The following ARHGAP32 variants were observed in gnomAD, a reference collection of about 807,000 sequenced individuals.
ARHGAP32 encodes rho GTPase-activating protein 32.
Under a neutral mutation model 186.5 loss-of-function variants are expected in ARHGAP32, and 51 were observed. The observed-to-expected ratio is 0.27, with a 90% confidence interval of 0.22 to 0.35. The LOEUF (loss-of-function observed/expected upper bound fraction) is 0.35. ARHGAP32 is among the 10% of genes least tolerant of loss of function. The pLI, the probability that ARHGAP32 is intolerant of heterozygous loss-of-function variation, is 1.00. For missense variants in ARHGAP32, 2,186 were observed against 2,623.5 expected, an observed-to-expected ratio of 0.83 and a Z score of 3.64; for synonymous variants, 950 against 964.3, an observed-to-expected ratio of 0.99 and a Z score of 0.27.
chr11:129,204,373 G>A (rs1944491473), intron 1 of ARHGAP32, among the ~76,000 whole-genome samples: 1 of 152,108 alleles, frequency 6.6e-6, no homozygotes, highest in East Asian at 1.9e-4. Flanking sequence ...AGTCTGGGGA[G>A]AGGTCAGGAA....
At chr11:129,100,053 C>T (rs540318418) in intron 5 of ARHGAP32, among the ~76,000 whole-genome samples, 53 of 152,300 alleles carry the variant, frequency 3.5e-4, no homozygotes, top group African/African-American at 1.3e-3. Flanking sequence ...GCAGAGACCC[C>T]CCTTTGACCA....
chr11:129,037,734 A>G (rs1939411121), intron 11 of ARHGAP32, among the ~76,000 whole-genome samples: 1 of 151,926 alleles, frequency 6.6e-6, no homozygotes, highest in Admixed American at 6.6e-5. Flanking sequence ...AAAAAGTAGG[A>G]TGACTTACAC....
intron 5 of ARHGAP32, among the ~76,000 whole-genome samples, chr11:129,100,791 C>T (rs571867128): frequency 1.3e-5 from 2 of 152,284 alleles, no homozygotes; most frequent in African/African-American, 4.8e-5. Flanking sequence ...CAAGCCAACA[C>T]CACCTCCAGC....
intron 1 of ARHGAP32, among the ~76,000 whole-genome samples, chr11:129,250,533 G>T (rs985993072): frequency 2.0e-5 from 3 of 152,080 alleles, no homozygotes; most frequent in African/African-American, 7.2e-5. Flanking sequence ...TGAATTTGTG[G>T]GAAATTTTTA....
At chr11:129,198,559 T>C (rs1944421029) in intron 1 of ARHGAP32, among the ~76,000 whole-genome samples, 1 of 152,216 alleles carries the variant, frequency 6.6e-6, no homozygotes, top group African/African-American at 2.4e-5. Flanking sequence ...TTGGCTCTTA[T>C]TCTCTCTTTG....
At chr11:129,093,382 T>C (rs1325820240) in intron 6 of ARHGAP32, among the ~76,000 whole-genome samples, 2 of 152,120 alleles carry the variant, frequency 1.3e-5, no homozygotes, top group Non-Finnish European at 2.9e-5. Context: ...GACATGCAAG[T>C]TGCAATGCTC....
intron 10 of ARHGAP32, among the ~76,000 whole-genome samples, chr11:129,056,738 T>A (rs1940267180): frequency 6.6e-6 from 1 of 152,026 alleles, no homozygotes; most frequent in Admixed American, 6.5e-5. Context: ...CATGAACACA[T>A]CGAGCTGAGC....
At chr11:129,178,141 A>G (rs1943961835) in intron 1 of ARHGAP32, among the ~76,000 whole-genome samples, 2 of 151,882 alleles carry the variant, frequency 1.3e-5, no homozygotes, top group South Asian at 4.2e-4. Context: ...ATTCTTATAC[A>G]CCAACAACAG....
chr11:128,978,888 C>G lies in ARHGAP32; in HGVS notation c.2004G>C (p.Lys668Asn). 6.2e-7 allele frequency: 1 copy of G among 1,607,894 alleles called. No individual in the cohort carries two copies. Among genetic ancestry groups the G allele is most frequent in the Non-Finnish European group, 8.5e-7 (1 of 1,178,052 alleles). ...AGGAACGCCAGCTACCCACAGGAGA[C>G]TTTTTCATCTTATTTTGAGGCCTCT... ...ERKRPQNKMK[K>N]SPVGSWRSFF... The change falls in exon 19 of 23, where the codon AAG becomes AAC. Residue 668 changes from lysine (K) to asparagine (N), a missense_variant. Lys to Asn is a moderately conservative substitution (Grantham distance 94, BLOSUM62 0). Coordinates refer to ENST00000682385, the MANE Select transcript of ARHGAP32 (RefSeq NM_001378024.1).
At chr11:128,996,220 TTTTG>T (rs1297812767) in intron 12 of ARHGAP32, among the ~76,000 whole-genome samples, 2 of 152,380 alleles carry the variant, frequency 1.3e-5, no homozygotes, top group South Asian at 4.1e-4. Context: ...TTTTTCTGTA[TTTTG>T]TTTATTATTT....
upstream of ARHGAP32, among the ~76,000 whole-genome samples, chr11:129,279,550 G>A (rs1167651222): frequency 6.9e-6 from 1 of 144,198 alleles, no homozygotes; most frequent in Non-Finnish European, 1.5e-5. Flanking sequence ...GCGTGCCCCC[G>A]CCGGAGCCCG....
intron 11 of ARHGAP32, among the ~76,000 whole-genome samples, chr11:129,011,619 A>AT (rs1332674324): frequency 6.6e-6 from 1 of 152,208 alleles, no homozygotes; most frequent in Non-Finnish European, 1.5e-5. Context: ...CAAATAAACA[A>AT]TTTTAAACAT....
rs149569575 is a variant in ARHGAP32, at chr11:129,027,459, C to T, written c.1045+13469G>A. 6.2e-3 allele frequency among the ~76,000 whole-genome samples: 951 copies of T among 152,294 alleles called. 14 individuals carry two copies. The highest frequency in any genetic ancestry group is 0.022 in the African/African-American group (921 of 41,554). On this transcript the variant is annotated intron_variant, in intron 11 of 22. Transcript: ENST00000682385. ...CCAGAGAAGATCTGATCCCTCTCCC[C>T]TCTTGACCTCATCTTATGTCTTCAC...
At position 129,096,288 on chromosome 11, in the gene ARHGAP32, C is replaced by T. The variant is rs12791628; in HGVS notation, c.445-2581G>A. Reference sequence around the variant, plus strand: ...TCTAAAATACAGTTCAACAGGCAAACAACACGCAAAAGCACACGAGAAAGA... The same window carrying T: ...TCTAAAATACAGTTCAACAGGCAAATAACACGCAAAAGCACACGAGAAAGA... On this transcript the variant is annotated intron_variant, in intron 5 of 22. Transcript: ENST00000682385. Among the ~76,000 whole-genome samples the T allele has an allele frequency of 2.3e-3, 356 of 152,200 alleles. 1 individual carries two copies. Among genetic ancestry groups the T allele is most frequent in the Admixed American group, 3.6e-3 (55 of 15,298 alleles).
Position 129,047,929 on chromosome 11 carries a change from A to G in ARHGAP32, c.964-6920T>C, listed in dbSNP as rs75800817. On this transcript the variant is annotated intron_variant, in intron 10 of 22. Coordinates refer to ENST00000682385, the MANE Select transcript of ARHGAP32 (RefSeq NM_001378024.1). ...TTTCCAAACAAAGAAGAGAAGAGAC[A>G]AAGAAACAACAGTTGCTACACACCA... Among the ~76,000 whole-genome samples, 342 of 152,344 alleles carry G rather than the reference A, an allele frequency of 2.2e-3. 1 individual carries two copies. Among genetic ancestry groups the G allele is most frequent in the Non-Finnish European group, 3.6e-3 (248 of 68,022 alleles).
chr11:129,100,065 C>G (rs1941849454), intron 5 of ARHGAP32, among the ~76,000 whole-genome samples: 1 of 152,164 alleles, frequency 6.6e-6, no homozygotes, highest in South Asian at 2.1e-4. Flanking sequence ...CTTTGACCAC[C>G]ATGGACACTT....
chr11:128,987,299 T>C (rs1297498896), intron 13 of ARHGAP32, among the ~76,000 whole-genome samples: 1 of 152,186 alleles, frequency 6.6e-6, no homozygotes, highest in East Asian at 1.9e-4. Context: ...ATCATCTACC[T>C]AGAGGATTAA....
intron 1 of ARHGAP32, among the ~76,000 whole-genome samples, chr11:129,177,226 G>C (rs953130899): frequency 2.0e-5 from 3 of 152,086 alleles, no homozygotes; most frequent in Non-Finnish European, 4.4e-5. Context: ...ACTCTACCAA[G>C]ACTAAACCAG....
At chr11:129,086,182 T>C (rs1260676897) in intron 6 of ARHGAP32, among the ~76,000 whole-genome samples, 2 of 152,184 alleles carry the variant, frequency 1.3e-5, no homozygotes, top group South Asian at 2.1e-4. Context: ...AATGGACACA[T>C]GATACAGACT....
Sources: allele counts gnomAD v4.1 joint callset (sites outside exome capture counted in the v4.1 genomes callset), GRCh38; gene constraint gnomAD v4.1.1; transcripts MANE v1.5; gene names NCBI Gene and HGNC (gene_info 2026-07-23, HGNC 2026-07-21).